Variants in CLASP1 observed in about 807,000 individuals in gnomAD.
The protein encoded by CLASP1 is cytoplasmic linker associated protein 1, also known as CLIP-associating protein 1.
A neutral mutation model predicts 192.3 loss-of-function variants in CLASP1; 38 were observed. The observed-to-expected ratio is 0.20, with a 90% CI of 0.15 to 0.26. The LOEUF is 0.26. Among genes scored for constraint, CLASP1 ranks in the 10% least tolerant of loss-of-function variants. The probability of loss-of-function intolerance (pLI) is 1.00; values close to 1 mark genes in which losing one functional copy is unlikely to be tolerated. For missense variants in CLASP1, 1,433 were observed against 1,932.5 expected (o/e 0.74, Z 4.85); for synonymous variants, 691 against 712.8 (o/e 0.97, Z 0.49).
chr2:121,481,855 C>G (rs563259796), intron 8 of CLASP1, among the ~76,000 whole-genome samples: 1 of 152,286 alleles, frequency 6.6e-6, no homozygotes, highest in South Asian at 2.1e-4. Flanking sequence ...TTGTTGGGAG[C>G]TGGGATGCAG....
At chr2:121,503,366 AAC>A (rs1379475421) in intron 7 of CLASP1, 132 bp from the exon 8 acceptor site, 2 of 601,114 alleles carry the variant, frequency 3.3e-6, no homozygotes, top group South Asian at 2.1e-5. Context: ...CTAGTAACAA[AAC>A]AGTGACTCAA....
At chr2:121,381,243 C>T (rs1428935736) in intron 33 of CLASP1, among the ~76,000 whole-genome samples, 1 of 151,644 alleles carries the variant, frequency 6.6e-6, no homozygotes, top group Non-Finnish European at 1.5e-5. Flanking sequence ...TTGTATTCCA[C>T]AAAAGTCAGA....
chr2:121,447,197 G>T, intron 19 of CLASP1, 140 bp downstream of exon 19: 1 of 764,860 alleles, frequency 1.3e-6, no homozygotes, highest in Non-Finnish European at 2.1e-6. Context: ...AGCAGCAAGT[G>T]CACGAAGCTA....
intron 2 of CLASP1, among the ~76,000 whole-genome samples, chr2:121,599,348 G>C: frequency 6.7e-6 from 1 of 149,820 alleles, no homozygotes. Flanking sequence ...CCAGCACTTT[G>C]AGAGGCCGAG....
chr2:121,387,014 A>G, intron 32 of CLASP1, 108 bp downstream of exon 33: 4 of 908,676 alleles, frequency 4.4e-6, no homozygotes, highest in Non-Finnish European at 7.1e-6. Context: ...TTGATACTCA[A>G]TATTCTTTTT....
chr2:121,422,944 T>C (rs1175933648), intron 22 of CLASP1, among the ~76,000 whole-genome samples: 1 of 151,996 alleles, frequency 6.6e-6, no homozygotes, highest in African/African-American at 2.4e-5. Context: ...TTTCAACAAT[T>C]ATATTGAAAA....
chr2:121,624,120 T>C (rs570707289), intron 1 of CLASP1, among the ~76,000 whole-genome samples: 1 of 152,296 alleles, frequency 6.6e-6, no homozygotes, highest in African/African-American at 2.4e-5. Flanking sequence ...CTACTTTTTT[T>C]CCCTCTATTT....
intron 22 of CLASP1, among the ~76,000 whole-genome samples, chr2:121,422,170 C>A (rs1475552885): frequency 6.6e-6 from 1 of 152,130 alleles, no homozygotes; most frequent in Non-Finnish European, 1.5e-5. Flanking sequence ...GTAATCTTGA[C>A]TTTTACATCT....
chr2:121,345,324 C>T (rs1024145209), intron 39 of CLASP1, among the ~76,000 whole-genome samples: 1 of 152,150 alleles, frequency 6.6e-6, no homozygotes, highest in Admixed American at 6.5e-5. Context: ...AGAGTGGCAG[C>T]AGCGGGTCAA....
At chr2:121,630,130 G>C (rs2069211763) in intron 1 of CLASP1, among the ~76,000 whole-genome samples, 1 of 151,904 alleles carries the variant, frequency 6.6e-6, no homozygotes, top group African/African-American at 2.4e-5. Context: ...ATGTTGGCCA[G>C]GCTGGTCTCA....
chr2:121,357,795 C>T (rs2065689049), intron 37 of CLASP1, among the ~76,000 whole-genome samples: 1 of 152,200 alleles, frequency 6.6e-6, no homozygotes, highest in Non-Finnish European at 1.5e-5. Flanking sequence ...GGTAAGTCTC[C>T]TGCCATCTTG....
intron 8 of CLASP1, among the ~76,000 whole-genome samples, chr2:121,489,233 T>C (rs1457616761): frequency 6.6e-6 from 1 of 152,264 alleles, no homozygotes; most frequent in Non-Finnish European, 1.5e-5. Context: ...ATATTATCAC[T>C]GTATACCTTA....
At chr2:121,405,767 T>C (rs1183697114) in intron 25 of CLASP1, among the ~76,000 whole-genome samples, 1 of 152,228 alleles carries the variant, frequency 6.6e-6, no homozygotes, top group Non-Finnish European at 1.5e-5. Flanking sequence ...CAAATCATCT[T>C]CTATTTTTGA....
chr2:121,483,308 T>G (rs528832761), intron 8 of CLASP1, among the ~76,000 whole-genome samples: 5 of 152,226 alleles, frequency 3.3e-5, no homozygotes, highest in Admixed American at 2.0e-4. Flanking sequence ...ACTATAAACA[T>G]CTACAATAGC....
chr2:121,530,660 T>G, intron 2 of CLASP1: 1 of 513,618 alleles, frequency 1.9e-6, no homozygotes, highest in South Asian at 3.0e-5. Context: ...GTATGCAAAT[T>G]TTCGAGCGGC....
At chr2:121,591,835 C>T (rs758781141) in intron 2 of CLASP1, among the ~76,000 whole-genome samples, 10 of 152,190 alleles carry the variant, frequency 6.6e-5, no homozygotes, top group Non-Finnish European at 1.3e-4. Flanking sequence ...ATAACCACAC[C>T]TATTTGTTCC....
intron 33 of CLASP1, among the ~76,000 whole-genome samples, chr2:121,381,279 A>G (rs985038494): frequency 1.3e-5 from 2 of 152,074 alleles, no homozygotes; most frequent in African/African-American, 4.8e-5. Context: ...AAAGCTATCT[A>G]TGAAGTATTT....
intron 26 of CLASP1, chr2:121,403,857 C>T (rs1027456129): frequency 4.4e-5 from 20 of 453,046 alleles, no homozygotes; most frequent in South Asian, 1.6e-4. Flanking sequence ...AAGTGATCCC[C>T]GTTCAGCAAA....
exon 2 of CLASP1, chr2:121,606,138 T>A: frequency 1.9e-6 from 1 of 528,768 alleles, no homozygotes; most frequent in South Asian, 3.1e-5. Flanking sequence ...AGAGTGATGT[T>A]CTACTACTGG....
Sources: allele counts gnomAD v4.1 joint callset (sites outside exome capture counted in the v4.1 genomes callset), GRCh38; gene constraint gnomAD v4.1.1; transcripts MANE v1.5; gene names NCBI Gene and HGNC (gene_info 2026-07-23, HGNC 2026-07-21).